Variants in STOX2 observed in about 807,000 individuals in gnomAD.
The protein encoded by STOX2 is storkhead-box protein 2.
STOX2 carries 28 observed loss-of-function variants against 60.9 expected under a neutral mutation model. That is an observed-to-expected ratio of 0.46 (90% CI 0.34 to 0.63). The LOEUF (loss-of-function observed/expected upper bound fraction) is 0.63, where lower values mean the gene tolerates loss of function less well. Among genes scored for constraint, STOX2 ranks in the 30% least tolerant of loss-of-function variants. The probability of loss-of-function intolerance (pLI) is 0.01; values close to 1 mark genes in which losing one functional copy is unlikely to be tolerated. For missense variants in STOX2, 1,024 were observed against 1,187.7 expected (o/e 0.86, Z 2.03); for synonymous variants, 472 against 463.9 (o/e 1.02, Z -0.22).
chr4:183,973,123 C>G (rs1743790995), intron 1 of STOX2, among the ~76,000 whole-genome samples: 1 of 151,988 alleles, frequency 6.6e-6, no homozygotes, highest in African/African-American at 2.4e-5. Context: ...CCAAAAATGT[C>G]CAACATTTGT....
chr4:183,918,878 C>CACCTCCTGTGA (rs1742008891), intron 1 of STOX2, among the ~76,000 whole-genome samples: 1 of 152,240 alleles, frequency 6.6e-6, no homozygotes, highest in South Asian at 2.1e-4. Flanking sequence ...CTCCTGCACA[C>CACCTCCTGTGA]ACCTCCTGTG....
At chr4:183,837,350 C>A (rs1739735626) in intron 1 of STOX2, among the ~76,000 whole-genome samples, 1 of 152,114 alleles carries the variant, frequency 6.6e-6, no homozygotes, top group African/African-American at 2.4e-5. Context: ...ATTCTACTTG[C>A]TGCCTTATGG....
chr4:183,903,906 G>A (rs1741519146), upstream of STOX2, among the ~76,000 whole-genome samples: 1 of 152,144 alleles, frequency 6.6e-6, no homozygotes, highest in Non-Finnish European at 1.5e-5. Flanking sequence ...CATTTACTGT[G>A]CACTTTATTT....
intron 1 of STOX2, among the ~76,000 whole-genome samples, chr4:183,938,790 G>C (rs1421102294): frequency 6.6e-6 from 1 of 151,474 alleles, no homozygotes; most frequent in African/African-American, 2.4e-5. Context: ...AGATAACGTT[G>C]TGCCTAATTT....
At chr4:183,994,178 T>A (rs1327214378) in intron 1 of STOX2, among the ~76,000 whole-genome samples, 1 of 151,874 alleles carries the variant, frequency 6.6e-6, no homozygotes, top group Admixed American at 6.6e-5. Context: ...TTCTGAAGAG[T>A]GTGCGGAGAG....
chr4:183,902,936 G>A (rs1741494341), upstream of STOX2, among the ~76,000 whole-genome samples: 1 of 152,176 alleles, frequency 6.6e-6, no homozygotes, highest in Non-Finnish European at 1.5e-5. Context: ...AGGTGGCTGA[G>A]TGGAGCTATA....
At chr4:183,984,681 G>A (rs146271913) in intron 1 of STOX2, among the ~76,000 whole-genome samples, 44 of 152,290 alleles carry the variant, frequency 2.9e-4, no homozygotes, top group Admixed American at 7.8e-4. Flanking sequence ...GATCCTCCCC[G>A]TGTCCCTATG....
Position 183,849,619 on chromosome 4 carries a change from T to C in STOX2, c.364+51564T>C, listed in dbSNP as rs143817572. Among the ~76,000 whole-genome samples, 414 of 152,332 alleles carry C rather than the reference T, an allele frequency of 2.7e-3. 2 individuals carry two copies. Among genetic ancestry groups the C allele is most frequent in the Non-Finnish European group, 4.5e-3 (303 of 68,024 alleles). ...TCTGAGCCTATGAGTACATAGGGCATCTAGGGAGAGATGTCAGTAATTGAT... is the reference window on the plus strand; with the variant it reads ...TCTGAGCCTATGAGTACATAGGGCACCTAGGGAGAGATGTCAGTAATTGAT... On this transcript the variant is annotated intron_variant, in intron 1 of 2. Transcript: ENST00000513034.
At chr4:183,935,228 A>T (rs1197411864) in intron 1 of STOX2, among the ~76,000 whole-genome samples, 1 of 152,198 alleles carries the variant, frequency 6.6e-6, no homozygotes, top group Non-Finnish European at 1.5e-5. Flanking sequence ...CTGGGGCGCC[A>T]CCCCATGCGT....
At chr4:183,924,340 A>AG (rs1441024255) in intron 1 of STOX2, among the ~76,000 whole-genome samples, 1 of 152,062 alleles carries the variant, frequency 6.6e-6, no homozygotes, top group Non-Finnish European at 1.5e-5. Flanking sequence ...GGGCTGAGTA[A>AG]GGGGGGCTGG....
intron 1 of STOX2, among the ~76,000 whole-genome samples, chr4:183,826,097 T>C (rs6832540): frequency 0.066 from 10,118 of 152,156 alleles, 1,069 homozygotes; most frequent in African/African-American, 0.23. Context: ...CCAGGGACTC[T>C]AGCTCAGCAG....
intron 1 of STOX2, among the ~76,000 whole-genome samples, chr4:183,868,020 A>G (rs754971067): frequency 2.0e-5 from 3 of 152,254 alleles, no homozygotes; most frequent in East Asian, 1.9e-4. Flanking sequence ...GTGTCAACCT[A>G]TGCCTCTCGA....
chr4:183,866,585 T>C (rs958226447), intron 1 of STOX2, among the ~76,000 whole-genome samples: 1 of 152,222 alleles, frequency 6.6e-6, no homozygotes, highest in Non-Finnish European at 1.5e-5. Context: ...TTACTGAGAA[T>C]TACTGTGCCA....
intron 1 of STOX2, among the ~76,000 whole-genome samples, chr4:183,864,523 A>G (rs1740521538): frequency 6.6e-6 from 1 of 152,030 alleles, no homozygotes; most frequent in African/African-American, 2.4e-5. Flanking sequence ...CCTCCCGAGT[A>G]GCTGGGATTA....
At chr4:184,002,070 C>A (rs1733615763) in intron 2 of STOX2, among the ~76,000 whole-genome samples, 2 of 152,198 alleles carry the variant, frequency 1.3e-5, no homozygotes. Context: ...GAATGCAGGA[C>A]CCTCTTTCAA....
chr4:183,807,616 C>A (rs1738935281), intron 1 of STOX2, among the ~76,000 whole-genome samples: 1 of 152,204 alleles, frequency 6.6e-6, no homozygotes, highest in African/African-American at 2.4e-5. Context: ...ACACCCCACA[C>A]CCACCCCACT....
At chr4:184,007,038 CAAA>C (rs1010667959) in intron 2 of STOX2, among the ~76,000 whole-genome samples, 17 of 62,600 alleles carry the variant, frequency 2.7e-4, no homozygotes, top group Admixed American at 2.5e-3. Context: ...AAAAACAAAA[CAAA>C]AAAAAAATTT....
chr4:183,871,331 C>A (rs1228523265), intron 1 of STOX2, among the ~76,000 whole-genome samples: 1 of 152,154 alleles, frequency 6.6e-6, no homozygotes, highest in Admixed American at 6.5e-5. Context: ...GTAGGCATTT[C>A]CTGCTCTGTT....
In STOX2 at chr4:183,825,329, TC is replaced by T. The variant is rs1277874659; in HGVS notation, c.364+27277del. Among the ~76,000 whole-genome samples, 1 of 152,064 alleles carries T rather than the reference TC, an allele frequency of 6.6e-6. No homozygotes were observed. ...GGAGGGAGATGCAGCTGATGAGGCT[TC>T]CCAAGCAGTAGGTTGGGAGGAAGGT... On this transcript the variant is annotated intron_variant, in intron 1 of 2. Transcript: ENST00000513034. The surrounding 1 kb of genome is among the most constrained non-coding windows in gnomAD (Gnocchi z 4.1).
Sources: allele counts gnomAD v4.1 joint callset (sites outside exome capture counted in the v4.1 genomes callset), GRCh38; gene constraint gnomAD v4.1.1; non-coding constraint Gnocchi (gnomAD v3.1); transcripts MANE v1.5; gene names NCBI Gene and HGNC (gene_info 2026-07-23, HGNC 2026-07-21).